The following KIF21B variants were observed in gnomAD, a reference collection of about 807,000 sequenced individuals.
KIF21B encodes the protein kinesin family member 21B.
Under a neutral mutation model 192.9 loss-of-function variants are expected in KIF21B, and 85 were observed. That is an observed-to-expected ratio of 0.44 (90% CI 0.37 to 0.53). The LOEUF is 0.53. KIF21B is among the 20% of genes least tolerant of loss of function. The pLI, the probability that KIF21B is intolerant of heterozygous loss-of-function variation, is 0.00. For missense variants in KIF21B, 1,716 were observed against 2,194.8 expected (o/e 0.78, Z 4.36); for synonymous variants, 832 against 884.6 (o/e 0.94, Z 1.05).
At chr1:201,020,697 C>T (rs759365578) in intron 1 of KIF21B, among the ~76,000 whole-genome samples, 1 of 152,096 alleles carries the variant, frequency 6.6e-6, no homozygotes, top group Non-Finnish European at 1.5e-5. Context: ...TTCACTGAAG[C>T]GTTTCACAGC....
chr1:200,986,859 C>T lies in KIF21B; in HGVS notation c.3674G>A (p.Arg1225Gln), dbSNP rs747677870. 1.5e-5 allele frequency: 25 copies of T among 1,613,358 alleles called. No individual in the cohort carries two copies. The highest frequency in any genetic ancestry group is 1.0e-4 in the Admixed American group (6 of 59,920). ...SPLTRRKSYD[R>Q]GQPIRSTDVG... ...ATGATCTCACCTAATGGGCTGCCCT[C>T]GGTCGTAGGACTTCCTTCTCGTCAG... The change falls in exon 26 of 35, where the codon CGA becomes CAA. Residue 1225 changes from arginine (R) to glutamine (Q), a missense_variant. Physicochemically the swap from Arg to Gln is conservative, Grantham distance 43. Coordinates refer to ENST00000461742, the MANE Select transcript of KIF21B (RefSeq NM_001252102.2).
In KIF21B at chr1:200,971,445, G is replaced by A. The variant is rs1443705611; in HGVS notation, c.*2076C>T. On this transcript the variant is annotated 3_prime_UTR_variant, in exon 35 of 35. Coordinates refer to ENST00000461742, the MANE Select transcript of KIF21B (RefSeq NM_001252102.2). ...CCAGGTGGGGCATCCCCGGCCCGGG[G>A]GTGGGAGCTCAAGGGGACAGAGTCT... is the stretch of plus-strand genomic sequence containing the variant. 6.6e-6 allele frequency: 1 copy of A among 152,534 alleles called. No individual in the cohort carries two copies. Among genetic ancestry groups the A allele is most frequent in the African/African-American group, 2.4e-5 (1 of 41,482 alleles). The allele number at this position is 152,534 out of a possible 1,614,324, so 9.4% of individuals were successfully genotyped here. A position where few individuals can be genotyped will look rare whatever the true frequency, so the allele number is the denominator to read the frequency against.
Position 201,000,041 on chromosome 1 carries a change from G to C in KIF21B, c.1686-77C>G. 1 of 1,333,088 alleles carries C rather than the reference G, an allele frequency of 7.5e-7. No homozygotes were observed. The highest frequency in any genetic ancestry group is 1.7e-5 in the Admixed American group (1 of 59,006). The allele number at this position is 1,333,088 out of a possible 1,614,324, so 82.6% of individuals were successfully genotyped here. Reference sequence around the variant, plus strand: ...GCACATGGGCAGGACGGCGGCAGCGGCAGAAAAGGAAGGCTCTCACCAGAG... The same window carrying C: ...GCACATGGGCAGGACGGCGGCAGCGCCAGAAAAGGAAGGCTCTCACCAGAG... On this transcript the variant is annotated intron_variant, in intron 11 of 34. Coordinates refer to ENST00000461742, the MANE Select transcript of KIF21B (RefSeq NM_001252102.2). This position sits in a 1 kb window ranked among gnomAD's most constrained non-coding sequence, Gnocchi z 6.0.
rs1408321813 is a variant in KIF21B, at chr1:200,998,320, AGAG to A, written c.2077+61_2077+63del. 3.4e-6 allele frequency: 5 copies of A among 1,487,422 alleles called. No homozygotes were observed. Among genetic ancestry groups the A allele is most frequent in the Non-Finnish European group, 4.6e-6 (5 of 1,091,398 alleles). The allele number at this position is 1,487,422 out of a possible 1,614,324, so 92.1% of individuals were successfully genotyped here. On this transcript the variant is annotated intron_variant, in intron 14 of 34. Transcript: ENST00000461742. The surrounding 1 kb of genome is among the most constrained non-coding windows in gnomAD (Gnocchi z 4.3). The stretch of plus-strand genomic sequence containing the variant: ...CCCCAACACACCAGCTGCTTTTGAC[AGAG>A]GAGGGGCTCAGGGAAAAGGGAGGGT...
chr1:200,996,346 G>C lies in KIF21B; in HGVS notation c.2127C>G (p.Asp709Glu). 6.2e-7 allele frequency: 1 copy of C among 1,614,122 alleles called. No individual in the cohort carries two copies. The highest frequency in any genetic ancestry group is 1.1e-5 in the South Asian group (1 of 91,078). Residue 709 changes from aspartate to glutamate, a missense_variant, in exon 15 of 35, where the codon GAC becomes GAG. Around this residue, in one of 3 missense-constraint regions of KIF21B, gnomAD observed 1,087 missense variants for 1,316.6 expected, o/e 0.83. Coordinates refer to ENST00000461742, the MANE Select transcript of KIF21B (RefSeq NM_001252102.2). Reference sequence around the variant, plus strand: ...TCATCTCCCGCAGCCTCTTCTCATAGTCTGCCTTGATCTTGTTGGCCTTCT... The same window carrying C: ...TCATCTCCCGCAGCCTCTTCTCATACTCTGCCTTGATCTTGTTGGCCTTCT... ...TEEKANKIKA[D>E]YEKRLREMNR...
intron 3 of KIF21B, among the ~76,000 whole-genome samples, chr1:201,006,616 A>G (rs1421293185): frequency 6.6e-6 from 1 of 152,172 alleles, no homozygotes; most frequent in Admixed American, 6.5e-5. Context: ...GTGTTGGGGT[A>G]GACACACACT....
rs142799216 is a variant in KIF21B at position 200,976,808 on chromosome 1, C to A, written c.4411G>T (p.Val1471Leu). Residue 1471 changes from valine to leucine, a missense_variant, in exon 32 of 35, where the codon GTG (valine) becomes TTG (leucine). Transcript: ENST00000461742. ...TAGTGGTCCTTGGAGCCAGTCACCA[C>A]GAGGTCATGCTGGCTGGCCGTCTGG... ...VTQTASQHDLVVTGSKDHYVK... is the reference protein window; with the variant it reads ...VTQTASQHDLLVTGSKDHYVK... 1.9e-6 allele frequency: 3 copies of A among 1,613,376 alleles called. No individual in the cohort carries two copies. The highest frequency in any genetic ancestry group is 2.5e-6 in the Non-Finnish European group (3 of 1,179,594).
At chr1:200,984,542 T>TA (rs1380169795) in intron 27 of KIF21B, among the ~76,000 whole-genome samples, 1 of 152,150 alleles carries the variant, frequency 6.6e-6, no homozygotes, top group Non-Finnish European at 1.5e-5. Flanking sequence ...AGAGGTGGAT[T>TA]AAAGGGCAGC....
At chr1:201,018,311 GA>G (rs980310688) in intron 1 of KIF21B, among the ~76,000 whole-genome samples, 2 of 152,322 alleles carry the variant, frequency 1.3e-5, no homozygotes, top group Non-Finnish European at 2.9e-5. Flanking sequence ...AGTGATCTAA[GA>G]AAGGGAGAAT....
In KIF21B at chr1:201,005,318, T is replaced by C. The variant is rs1317720189; in HGVS notation, c.722A>G (p.Gln241Arg). Residue 241 changes from glutamine to arginine, a missense_variant, in exon 5 of 35, where the codon CAG becomes CGG. Coordinates refer to ENST00000461742, the MANE Select transcript of KIF21B (RefSeq NM_001252102.2). ...CTGCAGGCTCCTCACCAGGTCGGGC[T>C]GGGTGCACATGCGCATCTGGCACAG... is the stretch of plus-strand genomic sequence containing the variant. ...IHLCQMRMCT[Q>R]PDLVNEAVTG... is the part of the protein sequence containing the mutation. 1 of 1,603,544 alleles carries C rather than the reference T, an allele frequency of 6.2e-7. No homozygotes were observed. Among genetic ancestry groups the C allele is most frequent in the South Asian group, 1.1e-5 (1 of 89,662 alleles).
At chr1:201,005,254 TCCCGGGATAC>T in intron 5 of KIF21B, 44 bp downstream of exon 5, 3 of 1,512,354 alleles carry the variant, frequency 2.0e-6, no homozygotes, top group Non-Finnish European at 2.6e-6. Flanking sequence ...ATCTTGCCCT[TCCCGGGATAC>T]CCCTGCAGCA....
intron 21 of KIF21B, 43 bp from the exon 22 acceptor site, chr1:200,988,974 T>C (rs764763971): frequency 1.1e-5 from 17 of 1,562,124 alleles, no homozygotes; most frequent in African/African-American, 9.5e-5. Context: ...CTCCTGGGGG[T>C]TGGGAGTCAC....
rs185114408 is a variant in KIF21B, at chr1:200,972,100, A to C, written c.*1421T>G. 2 of 151,874 alleles carry C rather than the reference A, an allele frequency of 1.3e-5. No individual in the cohort carries two copies. Among genetic ancestry groups the C allele is most frequent in the African/African-American group, 4.8e-5 (2 of 41,284 alleles). The allele number at this position is 151,874 out of a possible 1,614,324, so 9.4% of individuals were successfully genotyped here. On this transcript the variant is annotated 3_prime_UTR_variant, in exon 35 of 35. Transcript: ENST00000461742. Reference sequence around the variant, plus strand: ...GAGGGATGGAGCTCAGTCCCCCCCAAGGCCCACTCCTGTAATTCCAGAGTT... The same window carrying C: ...GAGGGATGGAGCTCAGTCCCCCCCACGGCCCACTCCTGTAATTCCAGAGTT...
rs773935930 is a variant in KIF21B at position 200,990,678 on chromosome 1, C to T, written c.2733G>A (p.Ala911=). ...CCAGGGACTGCCACTTGAGCCTTGC[C>T]GCCTTACTGAAGCTCTGGCTGGCCC... ...KKGASQSFSK[A]ARLKWQSLER... The change falls in exon 19 of 35, where the codon GCG becomes GCA. Residue 911 remains alanine, a synonymous_variant. Transcript: ENST00000461742. The surrounding 1 kb of genome is among the most constrained non-coding windows in gnomAD (Gnocchi z 5.4). 2.4e-5 allele frequency: 38 copies of T among 1,614,022 alleles called. No homozygotes were observed. Among genetic ancestry groups the T allele is most frequent in the South Asian group, 9.9e-5 (9 of 91,086 alleles).
rs931248510 is a variant in KIF21B, at chr1:201,023,257, C to A, written c.41+86G>T. 1.7e-6 allele frequency: 2 copies of A among 1,208,106 alleles called. No individual in the cohort carries two copies. Among genetic ancestry groups the A allele is most frequent in the African/African-American group, 1.6e-5 (1 of 63,070 alleles). The allele number at this position is 1,208,106 out of a possible 1,614,324, so 74.8% of individuals were successfully genotyped here. A position where few individuals can be genotyped will look rare whatever the true frequency, so the allele number is the denominator to read the frequency against. The stretch of plus-strand genomic sequence containing the variant: ...CCGGGAGTGCAGGCTCCAGCCCAAG[C>A]GGTGCTCGCGCCCCCCGCCCAAAGC... On this transcript the variant is annotated intron_variant, in intron 1 of 34. Transcript: ENST00000461742. This position sits in a 1 kb window ranked among gnomAD's most constrained non-coding sequence, Gnocchi z 5.9.
Position 200,978,781 on chromosome 1 carries a change from G to A in KIF21B, c.4160+754C>T, listed in dbSNP as rs138565290. Among the ~76,000 whole-genome samples, 198 of 152,202 alleles carry A rather than the reference G, an allele frequency of 1.3e-3. 1 individual carries two copies. Among genetic ancestry groups the A allele is most frequent in the African/African-American group, 4.6e-3 (189 of 41,514 alleles). On this transcript the variant is annotated intron_variant, in intron 30 of 34. Coordinates refer to ENST00000461742, the MANE Select transcript of KIF21B (RefSeq NM_001252102.2). ...GGCTCACTACAGTCTCGACCTCCTG[G>A]GCTCAAGCAACCCTCCCACCTCAGC...
intron 34 of KIF21B, among the ~76,000 whole-genome samples, 200 bp downstream of exon 34, chr1:200,974,514 G>C (rs1655414600): frequency 1.3e-5 from 2 of 151,978 alleles, no homozygotes; most frequent in Non-Finnish European, 2.9e-5. Context: ...CTCCTCCCCT[G>C]CCTAGCGCAG....
At chr1:200,974,574 G>C in intron 34 of KIF21B, 140 bp downstream of exon 34, 1 of 849,292 alleles carries the variant, frequency 1.2e-6, no homozygotes, top group Non-Finnish European at 1.9e-6. Flanking sequence ...GGCTAGGTAT[G>C]CAAAGGAGGC....
At chr1:201,011,044 A>G (rs1044585748) in intron 1 of KIF21B, among the ~76,000 whole-genome samples, 2 of 152,188 alleles carry the variant, frequency 1.3e-5, no homozygotes, top group African/African-American at 4.8e-5. Context: ...CCTAAAAGGG[A>G]TGGAAGCCCA....
Sources: gnomAD v4.1 joint callset for allele counts (sites outside exome capture counted in the v4.1 genomes callset) on GRCh38, gnomAD v4.1.1 for gene constraint, gnomAD v4.1.1 regional missense constraint, Gnocchi (gnomAD v3.1) non-coding constraint, MANE v1.5 for transcripts, NCBI Gene and HGNC (gene_info 2026-07-23, HGNC 2026-07-21) for gene names.